Variants in DNAH6 observed in about 807,000 individuals in gnomAD.
The protein encoded by DNAH6 is dynein axonemal heavy chain 6.
In DNAH6, 340 loss-of-function variants were observed where a neutral mutation model predicts 491.4. The observed-to-expected ratio is 0.69, with a 90% CI of 0.63 to 0.76. The LOEUF is 0.76. Ranked by LOEUF, DNAH6 falls within the 30% of genes least tolerant of loss-of-function variation. The pLI is 0.00. For synonymous variants in DNAH6, 1,603 were observed against 1,686.1 expected (o/e 0.95, Z 1.21); for missense variants, 4,443 against 4,972.2 (o/e 0.89, Z 3.20).
rs938979979 is a variant in DNAH6, at chr2:84,664,505, C to G, written c.6085-4784C>G. Among the ~76,000 whole-genome samples the G allele has an allele frequency of 7.0e-4, 107 of 152,074 alleles. 1 individual carries two copies. Among genetic ancestry groups the G allele is most frequent in the African/African-American group, 2.4e-3 (99 of 41,516 alleles). Reference sequence around the variant, plus strand: ...ACAAAGATCAAAAGAGACAAAGAAGCCCATTACATAATAGTAAAGGGATCA... The same window carrying G: ...ACAAAGATCAAAAGAGACAAAGAAGGCCATTACATAATAGTAAAGGGATCA... On this transcript the variant is annotated intron_variant, in intron 37 of 76. Coordinates refer to ENST00000389394, the MANE Select transcript of DNAH6 (RefSeq NM_001370.2).
intron 75 of DNAH6, among the ~76,000 whole-genome samples, chr2:84,814,358 G>T (rs1680288961): frequency 6.6e-6 from 1 of 152,010 alleles, no homozygotes; most frequent in Admixed American, 6.5e-5. Flanking sequence ...TTATTTTTTA[G>T]CTACCTTTAG....
At chr2:84,470,800 C>T in the DNAH6 span, among the ~76,000 whole-genome samples, 1,104 of 152,146 alleles carry the variant, frequency 7.3e-3, 41 homozygotes, top group East Asian at 0.12. Flanking sequence ...ATGGGGGCGA[C>T]GAAGTCCGGT....
At chr2:84,509,599 G>C in the DNAH6 span, among the ~76,000 whole-genome samples, 3 of 152,182 alleles carry the variant, frequency 2.0e-5, no homozygotes, top group Non-Finnish European at 2.9e-5. Context: ...TGTTATGTGT[G>C]AATTTGATCC....
intron 59 of DNAH6, among the ~76,000 whole-genome samples, chr2:84,722,251 C>A (rs2104932032): frequency 6.6e-6 from 1 of 152,296 alleles, no homozygotes; most frequent in Admixed American, 6.5e-5. Context: ...CTTCTCCTTT[C>A]ATTCCTTTAT....
chr2:84,781,405 G>A lies in DNAH6; in HGVS notation c.10704-88G>A, dbSNP rs114986952. The A allele has an allele frequency of 9.7e-4, 1,075 of 1,108,486 alleles. 9 individuals are homozygous for A. In the African/African-American group the frequency reaches 0.015, roughly 15 times the overall value. The allele number at this position is 1,108,486 out of a possible 1,614,324, so 68.7% of individuals were successfully genotyped here. A position where few individuals can be genotyped will look rare whatever the true frequency, so the allele number is the denominator to read the frequency against. ...GATTCAAAATGTTTATATATCCTAA[G>A]CAAGAGTCTACTGTATTTATATTTC... On this transcript the variant is annotated intron_variant, in intron 64 of 76. Transcript: ENST00000389394.
chr2:84,565,255 T>G (rs577256736), intron 11 of DNAH6, among the ~76,000 whole-genome samples: 11 of 152,182 alleles, frequency 7.2e-5, no homozygotes, highest in African/African-American at 2.2e-4. Context: ...TATTTTGGAA[T>G]AGTTTTAGTA....
chr2:84,548,125 A>T (rs1678965061), intron 7 of DNAH6, among the ~76,000 whole-genome samples, 163 bp from the exon 8 acceptor site: 1 of 152,246 alleles, frequency 6.6e-6, no homozygotes, highest in Admixed American at 6.5e-5. Context: ...CCTTTGATGT[A>T]AACTTATTTT....
chr2:84,817,276 G>A (rs1478819722), intron 76 of DNAH6, among the ~76,000 whole-genome samples: 4 of 152,074 alleles, frequency 2.6e-5, no homozygotes, highest in Admixed American at 6.5e-5. Context: ...GAATCAGATT[G>A]ATATCAGTCA....
intron 32 of DNAH6, among the ~76,000 whole-genome samples, chr2:84,641,151 C>T (rs1336389692): frequency 6.6e-6 from 1 of 152,156 alleles, no homozygotes; most frequent in African/African-American, 2.4e-5. Context: ...CTTGAAACTA[C>T]TGCATCTGGA....
chr2:84,665,795 C>CA (rs1434829133), intron 37 of DNAH6, among the ~76,000 whole-genome samples: 2 of 151,928 alleles, frequency 1.3e-5, no homozygotes, highest in African/African-American at 2.4e-5. Context: ...GAGACACACA[C>CA]AAAAAAAGAG....
At chr2:84,725,807 G>T (rs1698571113) in intron 60 of DNAH6, among the ~76,000 whole-genome samples, 1 of 152,122 alleles carries the variant, frequency 6.6e-6, no homozygotes, top group African/African-American at 2.4e-5. Context: ...AGAGAATTTT[G>T]AGATTTACCA....
intron 62 of DNAH6, among the ~76,000 whole-genome samples, chr2:84,737,071 G>T (rs758269191): frequency 1.3e-5 from 2 of 151,884 alleles, no homozygotes; most frequent in East Asian, 3.9e-4. Context: ...GCTTTTCCTC[G>T]TCTATTGAGG....
At position 84,627,728 on chromosome 2, in the gene DNAH6, A is replaced by T. The variant is rs1244022963; in HGVS notation, c.4515+2665A>T. Among the ~76,000 whole-genome samples the T allele has an allele frequency of 2.0e-5, 3 of 151,960 alleles. 1 individual carries two copies. Among genetic ancestry groups the T allele is most frequent in the Admixed American group, 2.0e-4 (3 of 15,254 alleles). On this transcript the variant is annotated intron_variant, in intron 29 of 76. Transcript: ENST00000389394. ...TGTCAGCCTAGTGAGACCTCATTTTATTGCTTCTTTGCTTATCATTATGTC... is the reference window on the plus strand; with the variant it reads ...TGTCAGCCTAGTGAGACCTCATTTTTTTGCTTCTTTGCTTATCATTATGTC...
intron 76 of DNAH6, among the ~76,000 whole-genome samples, chr2:84,816,666 T>C (rs1680516698): frequency 2.6e-5 from 4 of 152,148 alleles, no homozygotes; most frequent in Admixed American, 2.6e-4. Context: ...GAGGTTGCAG[T>C]GAGCCAACAT....
chr2:84,632,626 T>C (rs1688512732), intron 29 of DNAH6, among the ~76,000 whole-genome samples: 1 of 152,212 alleles, frequency 6.6e-6, no homozygotes, highest in African/African-American at 2.4e-5. Context: ...CTCTACAATA[T>C]GGAAGCATTC....
At chr2:84,549,255 A>G (rs911605378) in intron 8 of DNAH6, among the ~76,000 whole-genome samples, 1 of 152,212 alleles carries the variant, frequency 6.6e-6, no homozygotes. Flanking sequence ...CATCTTAACT[A>G]TATCTCAGTT....
intron 46 of DNAH6, among the ~76,000 whole-genome samples, chr2:84,695,033 A>G (rs1267043105): frequency 6.6e-6 from 1 of 152,194 alleles, no homozygotes; most frequent in Admixed American, 6.5e-5. Context: ...AAAGTGATAG[A>G]TTTGATGCAT....
intron 16 of DNAH6, among the ~76,000 whole-genome samples, chr2:84,592,019 A>T (rs1337024689): frequency 6.6e-6 from 1 of 152,216 alleles, no homozygotes. Flanking sequence ...TCTTCATGAC[A>T]TTGGCCTTGG....
chr2:84,784,178 G>A (rs1676959507), intron 65 of DNAH6, among the ~76,000 whole-genome samples: 1 of 152,124 alleles, frequency 6.6e-6, no homozygotes, highest in Admixed American at 6.5e-5. Flanking sequence ...ATTCTTTCTT[G>A]GGTCCTCTGT....
Sources: gnomAD v4.1 joint callset for allele counts (sites outside exome capture counted in the v4.1 genomes callset) on GRCh38, gnomAD v4.1.1 for gene constraint, MANE v1.5 for transcripts, NCBI Gene and HGNC (gene_info 2026-07-23, HGNC 2026-07-21) for gene names.